Variants in SMAD3 observed in about 807,000 individuals in gnomAD.
The protein encoded by SMAD3 is MAD homolog 3.
A neutral mutation model predicts 51.8 loss-of-function variants in SMAD3; 12 were observed. That is an observed-to-expected ratio of 0.23 (90% CI 0.15 to 0.38). SMAD3 has a LOEUF of 0.38. Ranked by LOEUF, SMAD3 falls within the 10% of genes least tolerant of loss-of-function variation. The probability of loss-of-function intolerance (pLI) is 1.00; values close to 1 mark genes in which losing one functional copy is unlikely to be tolerated. For missense variants in SMAD3, 294 were observed against 565.6 expected (o/e 0.52, Z 4.87); for synonymous variants, 238 against 227.7 (o/e 1.05, Z -0.41).
chr15:67,158,318 G>A (rs1309352234), intron 1 of SMAD3, among the ~76,000 whole-genome samples: 1 of 152,176 alleles, frequency 6.6e-6, no homozygotes. Flanking sequence ...TTTGAGTGGG[G>A]CAGAGGGAGA....
At chr15:67,159,108 T>C (rs953224581) in intron 1 of SMAD3, among the ~76,000 whole-genome samples, 5 of 152,096 alleles carry the variant, frequency 3.3e-5, no homozygotes, top group Non-Finnish European at 5.9e-5. Context: ...TCTCACTCTG[T>C]CACCCAGGCT....
intron 6 of SMAD3, among the ~76,000 whole-genome samples, chr15:67,183,024 TATATA>T (rs1235209062): frequency 0.012 from 885 of 75,316 alleles, 10 homozygotes; most frequent in Non-Finnish European, 0.018. Context: ...TATATATATA[TATATA>T]TATTTTTTTT....
chr15:67,166,497 C>G (rs570524829), intron 3 of SMAD3: 9 of 530,394 alleles, frequency 1.7e-5, no homozygotes, highest in Middle Eastern at 5.2e-4. Flanking sequence ...CTTGAAGGAC[C>G]AGGATAAGTT....
intron 5 of SMAD3, among the ~76,000 whole-genome samples, chr15:67,175,468 T>C (rs1002844620): frequency 9.2e-5 from 14 of 152,110 alleles, no homozygotes; most frequent in African/African-American, 3.4e-4. Context: ...TTTCTTGAGC[T>C]TGGACCCAAG....
Position 67,166,194 on chromosome 15 carries a change from G to A in SMAD3, c.533-585G>A, listed in dbSNP as rs762320351. 18 of 1,013,372 alleles carry A rather than the reference G, an allele frequency of 1.8e-5. No individual in the cohort carries two copies. The highest frequency in any genetic ancestry group is 5.1e-5 in the African/African-American group (3 of 58,280). The allele number at this position is 1,013,372 out of a possible 1,614,324, so 62.8% of individuals were successfully genotyped here. On this transcript the variant is annotated intron_variant, in intron 3 of 8. Transcript: ENST00000327367. Reference sequence around the variant, plus strand: ...TGCGGGTAGCCCTGGCGTCCCGCGGGTAAGTCAACTACTCCCTGTTCAAAG... The same window carrying A: ...TGCGGGTAGCCCTGGCGTCCCGCGGATAAGTCAACTACTCCCTGTTCAAAG...
chr15:67,078,980 A>AT (rs1235632964), intron 1 of SMAD3, among the ~76,000 whole-genome samples: 3 of 144,108 alleles, frequency 2.1e-5, no homozygotes, highest in East Asian at 2.0e-4. Flanking sequence ...GTCACATATT[A>AT]TTATTTTTTT....
intron 1 of SMAD3, among the ~76,000 whole-genome samples, chr15:67,092,935 C>A (rs373517515): frequency 1.3e-5 from 2 of 152,128 alleles, no homozygotes; most frequent in Non-Finnish European, 1.5e-5. Flanking sequence ...TGGAAAATGG[C>A]CCCCATGCCC....
intron 6 of SMAD3, among the ~76,000 whole-genome samples, chr15:67,183,031 A>ATATATATATATT (rs1156620400): frequency 3.4e-5 from 1 of 29,704 alleles, no homozygotes; most frequent in African/African-American, 1.7e-4. Flanking sequence ...ATATATATAT[A>ATATATATATATT]TTTTTTTTTT....
At chr15:67,131,957 C>T (rs1283477495) in intron 1 of SMAD3, among the ~76,000 whole-genome samples, 1 of 152,162 alleles carries the variant, frequency 6.6e-6, no homozygotes, top group East Asian at 1.9e-4. Context: ...CTGTCTGTTC[C>T]TCCAATCTCC....
intron 1 of SMAD3, among the ~76,000 whole-genome samples, chr15:67,113,095 T>TA (rs57818600): frequency 0.71 from 64,429 of 90,574 alleles, 26,301 homozygotes; most frequent in Non-Finnish European, 0.79. Flanking sequence ...TATATATATA[T>TA]TTTTTTGAGA....
At chr15:67,152,871 C>T (rs1158744365) in intron 1 of SMAD3, among the ~76,000 whole-genome samples, 2 of 152,152 alleles carry the variant, frequency 1.3e-5, no homozygotes, top group Non-Finnish European at 2.9e-5. Context: ...TAGAAAAGCC[C>T]TAAACACTCT....
At chr15:67,151,414 C>T (rs2140277532) in intron 1 of SMAD3, among the ~76,000 whole-genome samples, 1 of 152,240 alleles carries the variant, frequency 6.6e-6, no homozygotes, top group East Asian at 1.9e-4. Context: ...CTCACTGCAA[C>T]CTCCACCTCC....
intron 1 of SMAD3, among the ~76,000 whole-genome samples, chr15:67,134,036 C>T (rs564936036): frequency 6.6e-6 from 1 of 152,056 alleles, no homozygotes; most frequent in Non-Finnish European, 1.5e-5. Context: ...TCACGTTTAG[C>T]AGTACTCCTC....
At chr15:67,172,281 T>TC (rs1264088272) in intron 5 of SMAD3, among the ~76,000 whole-genome samples, 2 of 152,224 alleles carry the variant, frequency 1.3e-5, no homozygotes, top group African/African-American at 4.8e-5. Context: ...GGGAGGACCC[T>TC]CCCCGAGCCT....
intron 5 of SMAD3, among the ~76,000 whole-genome samples, chr15:67,174,864 AG>A (rs1424198175): frequency 5.3e-5 from 8 of 152,266 alleles, no homozygotes; most frequent in African/African-American, 1.9e-4. Flanking sequence ...TGTTAGCCCC[AG>A]GGCTCAGGTC....
chr15:67,178,369 G>A (rs1962963320), intron 5 of SMAD3, among the ~76,000 whole-genome samples: 1 of 152,288 alleles, frequency 6.6e-6, no homozygotes, highest in Admixed American at 6.5e-5. Context: ...TGCTGGGCAG[G>A]GCTTTATGAT....
intron 5 of SMAD3, among the ~76,000 whole-genome samples, chr15:67,177,733 G>T (rs200603956): frequency 1.1e-3 from 157 of 149,010 alleles, no homozygotes; most frequent in African/African-American, 3.3e-3. Context: ...CTGTTTTTTT[G>T]TTTTTTTTTT....
At chr15:67,086,641 A>G (rs1960399937) in intron 1 of SMAD3, among the ~76,000 whole-genome samples, 1 of 152,192 alleles carries the variant, frequency 6.6e-6, no homozygotes, top group African/African-American at 2.4e-5. Context: ...GACACATGCC[A>G]GATGTAGGTT....
chr15:67,066,680 TGGG>T (rs1959928415), intron 1 of SMAD3, among the ~76,000 whole-genome samples: 2 of 152,132 alleles, frequency 1.3e-5, no homozygotes, highest in Non-Finnish European at 2.9e-5. Context: ...TCCGGGGAGC[TGGG>T]GCTGGAAGTT....
Sources: allele counts gnomAD v4.1 joint callset (sites outside exome capture counted in the v4.1 genomes callset), GRCh38; gene constraint gnomAD v4.1.1; transcripts MANE v1.5; gene names NCBI Gene and HGNC (gene_info 2026-07-23, HGNC 2026-07-21).